Variants in TET2 observed in about 807,000 individuals in gnomAD.
TET2 encodes methylcytosine dioxygenase TET2.
Under a neutral mutation model 142.9 loss-of-function variants are expected in TET2, and 299 were observed. The ratio of observed to expected loss-of-function variants is 2.09; its 90% CI spans 1.90 to 2.30. TET2 has a LOEUF of 2.30. Among genes scored for constraint, TET2 ranks in the 30% most tolerant of loss-of-function variants. The pLI, the probability that TET2 is intolerant of heterozygous loss-of-function variation, is 0.00. For missense variants in TET2, 2,418 were observed against 2,378.0 expected (o/e 1.02, Z -0.35); for synonymous variants, 819 against 849.0 (o/e 0.96, Z 0.61).
At chr4:105,191,922 C>T (rs1378061945) in intron 2 of TET2, among the ~76,000 whole-genome samples, 1 of 152,122 alleles carries the variant, frequency 6.6e-6, no homozygotes, top group Non-Finnish European at 1.5e-5. Context: ...TGAAAATAGA[C>T]TTCCTCTTTC....
Position 105,235,958 on chromosome 4 carries a change from T to A in TET2, c.2016T>A (p.His672Gln). The A allele has an allele frequency of 6.2e-7, 1 of 1,614,158 alleles. No individual in the cohort carries two copies. The highest frequency in any genetic ancestry group is 1.1e-5 in the South Asian group (1 of 91,082). Reference protein sequence around the residue: ...FSKTDHLPKAHVQSLCGTRFH... With the variant: ...FSKTDHLPKAQVQSLCGTRFH... ...AAACAGACCATTTACCAAAAGCTCA[T>A]GTGCAGTCACTGTGTGGCACTAGAT... Residue 672 changes from histidine to glutamine, a missense_variant, in exon 3 of 11, where the codon CAT (histidine) becomes CAA (glutamine). Coordinates refer to ENST00000380013, the MANE Select transcript of TET2 (RefSeq NM_001127208.3).
At chr4:105,190,124 T>C (rs1031046087) in intron 1 of TET2, among the ~76,000 whole-genome samples, 2 of 152,210 alleles carry the variant, frequency 1.3e-5, no homozygotes, top group African/African-American at 4.8e-5. Flanking sequence ...GGTGAAGATG[T>C]GAAGACTAAA....
At chr4:105,164,063 C>G (rs1409482938) in intron 1 of TET2, among the ~76,000 whole-genome samples, 1 of 152,164 alleles carries the variant, frequency 6.6e-6, no homozygotes, top group Admixed American at 6.5e-5. Flanking sequence ...CACTTAAGAG[C>G]TACTCAAATG....
chr4:105,148,741 T>A (rs919172649), intron 1 of TET2, among the ~76,000 whole-genome samples: 14 of 152,222 alleles, frequency 9.2e-5, no homozygotes, highest in African/African-American at 1.2e-4. Flanking sequence ...TTGATTTTTT[T>A]AAATGTTAAT....
In TET2 at chr4:105,243,678, G is replaced by A. The variant is rs2110255260; in HGVS notation, c.3703G>A (p.Gly1235Arg). The A allele has an allele frequency of 6.4e-7, 1 of 1,551,572 alleles. No individual in the cohort carries two copies. The highest frequency in any genetic ancestry group is 8.7e-7 in the Non-Finnish European group (1 of 1,146,956). The stretch of plus-strand genomic sequence containing the variant: ...TGTGATTCTCATCCTGGTGTGGGAA[G>A]GAATCCCGCTGTCTCTGGCTGACAA... The part of the protein sequence containing the change: ...VIVILILVWE[G>R]IPLSLADKLY... Residue 1235 changes from glycine (G) to arginine (R), a missense_variant, in exon 6 of 11, where the codon GGA becomes AGA. Coordinates refer to ENST00000380013, the MANE Select transcript of TET2 (RefSeq NM_001127208.3).
rs1560573569 is a variant in TET2 at position 105,275,509 on chromosome 4, C to T, written c.4999C>T (p.Leu1667=). The change falls in exon 11 of 11, where the codon CTG becomes TTG. Residue 1667 remains leucine (L), a synonymous_variant. Coordinates refer to ENST00000380013, the MANE Select transcript of TET2 (RefSeq NM_001127208.3). ...GTATAGGTATCCAAGCCAAGACCCTCTGTCTAAGCTCAGTCTACCACCCAT... is the reference window on the plus strand; with the variant it reads ...GTATAGGTATCCAAGCCAAGACCCTTTGTCTAAGCTCAGTCTACCACCCAT... ...DLYRYPSQDP[L]SKLSLPPIHT... 6.4e-7 allele frequency: 1 copy of T among 1,551,706 alleles called. No homozygotes were observed. The highest frequency in any genetic ancestry group is 1.2e-5 in the South Asian group (1 of 84,066).
chr4:105,180,642 A>ATTTTTTTTTTTTTTTTTTT (rs112365489), intron 1 of TET2, among the ~76,000 whole-genome samples: 1 of 146,814 alleles, frequency 6.8e-6, no homozygotes. Flanking sequence ...CCATTTTATC[A>ATTTTTTTTTTTTTTTTTTT]TTTTTTTTTT....
At chr4:105,248,763 C>A (rs1729710413) in intron 6 of TET2, among the ~76,000 whole-genome samples, 1 of 152,082 alleles carries the variant, frequency 6.6e-6, no homozygotes, top group Non-Finnish European at 1.5e-5. Flanking sequence ...AGAACGTTTT[C>A]ATCATTCCCA....
At chr4:105,146,173 A>T (rs548053924), upstream of TET2, 3 of 152,410 alleles carry the variant, frequency 2.0e-5, no homozygotes, top group African/African-American at 7.2e-5. Flanking sequence ...GTGCGGGTAC[A>T]CTCCGGAGGA....
intron 1 of TET2, among the ~76,000 whole-genome samples, chr4:105,180,456 T>C (rs1409322831): frequency 6.7e-6 from 1 of 149,812 alleles, no homozygotes; most frequent in African/African-American, 2.4e-5. Flanking sequence ...TCTATAATTA[T>C]TGAGTTCTTT....
In TET2 at chr4:105,234,529, A is replaced by G; in HGVS notation, c.587A>G (p.Asn196Ser). ...AAAAGTGCTAATTACCATGACAAGA[A>G]CATTGTATTACTTAAAAACAAGGCA... ...EGKSANYHDK[N>S]IVLLKNKAVL... Residue 196 changes from asparagine (N) to serine (S), a missense_variant, in exon 3 of 11, where the codon AAC (asparagine) becomes AGC (serine). Coordinates refer to ENST00000380013, the MANE Select transcript of TET2 (RefSeq NM_001127208.3). 6.2e-7 allele frequency: 1 copy of G among 1,614,134 alleles called. No homozygotes were observed.
At chr4:105,227,797 A>G (rs919601105) in intron 2 of TET2, among the ~76,000 whole-genome samples, 3 of 152,180 alleles carry the variant, frequency 2.0e-5, no homozygotes, top group African/African-American at 7.2e-5. Flanking sequence ...TTTCTTTGCA[A>G]TCATTTAAAT....
Position 105,275,173 on chromosome 4 carries a change from G to C in TET2, c.4663G>C (p.Glu1555Gln), listed in dbSNP as rs2110312121. 6.4e-7 allele frequency: 1 copy of C among 1,552,182 alleles called. No homozygotes were observed. ...QQQQPHHPQTESVNSYSASGS... is the reference protein window; with the variant it reads ...QQQQPHHPQTQSVNSYSASGS... ...GCAGCAGCCACATCACCCTCAGACA[G>C]AGTCTGTCAACTCTTATTCTGCTTC... is the stretch of plus-strand genomic sequence containing the variant. The change falls in exon 11 of 11, where the codon GAG becomes CAG. Residue 1555 changes from glutamate to glutamine, a missense_variant. By Grantham distance (29) the Glu-to-Gln change is conservative. Transcript: ENST00000380013.
chr4:105,247,403 A>T (rs1040019458), intron 6 of TET2, among the ~76,000 whole-genome samples: 2 of 152,214 alleles, frequency 1.3e-5, no homozygotes, highest in East Asian at 3.9e-4. Context: ...CATGATTGAC[A>T]CTTCTGAGTA....
rs2110306440 is a variant in TET2, at chr4:105,272,714, C to T, written c.4333C>T (p.Gln1445Ter). ...QEEKKRSGAI[Q>*]VLSSFRRKVR... Reference sequence around the variant, plus strand: ...GGAGAAAAAACGGAGTGGTGCCATTCAGGTACTGAGTTCTTTTCGGCGAAA... The same window carrying T: ...GGAGAAAAAACGGAGTGGTGCCATTTAGGTACTGAGTTCTTTTCGGCGAAA... The change falls in exon 10 of 11, where the codon CAG becomes TAG. Residue 1445 changes from glutamine to a stop codon, truncating the protein, a stop_gained. Transcript: ENST00000380013. LOFTEE classifies it high-confidence loss of function. The T allele has an allele frequency of 1.3e-6, 2 of 1,551,652 alleles. No homozygotes were observed. The highest frequency in any genetic ancestry group is 1.7e-6 in the Non-Finnish European group (2 of 1,146,978).
intron 1 of TET2, among the ~76,000 whole-genome samples, chr4:105,175,292 T>C (rs1234833251): frequency 6.6e-6 from 1 of 151,976 alleles, no homozygotes; most frequent in Non-Finnish European, 1.5e-5. Flanking sequence ...AGAAACTTTA[T>C]AAAAAACTAT....
chr4:105,175,506 A>G (rs1724732833), intron 1 of TET2, among the ~76,000 whole-genome samples: 1 of 152,168 alleles, frequency 6.6e-6, no homozygotes, highest in Non-Finnish European at 1.5e-5. Context: ...GGATATGATA[A>G]TAGGAACTTC....
At chr4:105,218,405 C>G (rs1422932115) in intron 2 of TET2, among the ~76,000 whole-genome samples, 1 of 152,048 alleles carries the variant, frequency 6.6e-6, no homozygotes, top group Non-Finnish European at 1.5e-5. Flanking sequence ...TCTACTTCTT[C>G]CTCATGTCGG....
chr4:105,243,817 C>T (rs1729444634), intron 6 of TET2, 39 bp downstream of exon 6: 1 of 1,522,782 alleles, frequency 6.6e-7, no homozygotes, highest in Non-Finnish European at 8.9e-7. Flanking sequence ...TTTGCGGCCA[C>T]TGATAGGAAA....
Sources: allele counts gnomAD v4.1 joint callset (sites outside exome capture counted in the v4.1 genomes callset), GRCh38; gene constraint gnomAD v4.1.1; transcripts MANE v1.5; gene names NCBI Gene and HGNC (gene_info 2026-07-23, HGNC 2026-07-21).